Variants in OVOL1 observed in about 807,000 individuals in gnomAD.
OVOL1 encodes the protein ovo like transcriptional repressor 1.
Under a neutral mutation model 21.5 loss-of-function variants are expected in OVOL1, and 10 were observed. That is an observed-to-expected ratio of 0.46 (90% CI 0.29 to 0.79). The LOEUF (loss-of-function observed/expected upper bound fraction) is 0.79, where lower values mean the gene tolerates loss of function less well. OVOL1 is among the 30% of genes least tolerant of loss of function. OVOL1 has a pLI of 0.10. For missense variants in OVOL1, 279 were observed against 362.3 expected, an observed-to-expected ratio of 0.77 and a Z score of 1.87; for synonymous variants, 129 against 150.3, an observed-to-expected ratio of 0.86 and a Z score of 1.03.
At chr11:65,792,424 A>C (rs1324013799) in intron 1 of OVOL1, 1 of 152,278 alleles carries the variant, frequency 6.6e-6, no homozygotes, top group East Asian at 1.9e-4. Flanking sequence ...CCAGCTTTGA[A>C]TTCTCAGCCA....
rs752377455 is a variant in OVOL1, at chr11:65,794,041, C to A, written c.111C>A (p.Gly37=). 6.2e-7 allele frequency: 1 copy of A among 1,613,832 alleles called. No individual in the cohort carries two copies. The highest frequency in any genetic ancestry group is 8.5e-7 in the Non-Finnish European group (1 of 1,179,878). ...RGEIYVPVSL[G]FCPPQPYREP... ...CTGTTCTCTCCCCAGTCAGCCTGGG[C>A]TTCTGCCCACCACAGCCCTACCGGG... The change falls in exon 2 of 4, where the codon GGC becomes GGA. Residue 37 remains glycine (G), a synonymous_variant. Coordinates refer to ENST00000335987, the MANE Select transcript of OVOL1 (RefSeq NM_004561.4).
At chr11:65,793,476 G>C (rs1446254196) in intron 1 of OVOL1, among the ~76,000 whole-genome samples, 2 of 152,226 alleles carry the variant, frequency 1.3e-5, no homozygotes, top group Admixed American at 6.5e-5. Context: ...GACCAGCTGG[G>C]AGTGGAGAGC....
chr11:65,790,063 C>T (rs1857983746), intron 1 of OVOL1: 1 of 149,932 alleles, frequency 6.7e-6, no homozygotes, highest in South Asian at 2.1e-4. Flanking sequence ...AACCACCCTC[C>T]CCTCGCCTTC....
At chr11:65,793,231 G>A (rs569903446) in intron 1 of OVOL1, among the ~76,000 whole-genome samples, 36 of 152,270 alleles carry the variant, frequency 2.4e-4, no homozygotes, top group Middle Eastern at 3.4e-3. Flanking sequence ...AAGCCTCCCC[G>A]GCCCGTTCGG....
chr11:65,793,279 GGCTGCCAGGTATCGGT>G (rs1858059668), intron 1 of OVOL1, among the ~76,000 whole-genome samples: 1 of 152,192 alleles, frequency 6.6e-6, no homozygotes, highest in Non-Finnish European at 1.5e-5. Flanking sequence ...TGCATCCAAG[GGCTGCCAGGTATCGGT>G]GCTGCCGCTG....
In OVOL1 at chr11:65,794,646, G is replaced by A. The variant is rs577150616; in HGVS notation, c.427G>A (p.Val143Ile). 9.3e-6 allele frequency: 15 copies of A among 1,613,784 alleles called. No homozygotes were observed. The highest frequency in any genetic ancestry group is 8.3e-5 in the Admixed American group (5 of 60,022). The change falls in exon 3 of 4, where the codon GTC becomes ATC. Residue 143 changes from valine to isoleucine, a missense_variant. Coordinates refer to ENST00000335987, the MANE Select transcript of OVOL1 (RefSeq NM_004561.4). ...LNRHMKCHNDVKRHLCTYCGK... is the reference protein window; with the variant it reads ...LNRHMKCHNDIKRHLCTYCGK... Reference sequence around the variant, plus strand: ...CCGCCACATGAAGTGTCACAACGACGTCAAGAGGCACCTCTGCACGTACTG... The same window carrying A: ...CCGCCACATGAAGTGTCACAACGACATCAAGAGGCACCTCTGCACGTACTG...
chr11:65,788,500 A>G, intron 1 of OVOL1: 1 of 984,806 alleles, frequency 1.0e-6, no homozygotes, highest in Non-Finnish European at 1.2e-6. Flanking sequence ...TAATTAACCA[A>G]CTGACTTTGA....
rs1431090294 is a variant in OVOL1 at position 65,791,152 on chromosome 11, C to T, written c.101-2879C>T. ...ATACACTGTCTGAGGCGACCTGTGGCAGTTCACAGCGTGGAAACAGAAGGC... is the reference window on the plus strand; with the variant it reads ...ATACACTGTCTGAGGCGACCTGTGGTAGTTCACAGCGTGGAAACAGAAGGC... On this transcript the variant is annotated intron_variant, in intron 1 of 3. Transcript: ENST00000335987. 3.3e-5 allele frequency among the ~76,000 whole-genome samples: 5 copies of T among 152,366 alleles called. No individual in the cohort carries two copies. The East Asian group carries it at 5.8e-4, about 18-fold the overall frequency.
intron 1 of OVOL1, chr11:65,793,679 T>G: frequency 2.9e-6 from 1 of 349,730 alleles, no homozygotes; most frequent in Non-Finnish European, 5.3e-6. Flanking sequence ...CTGGTGCCCT[T>G]TGTCCCTGCA....
At position 65,787,370 on chromosome 11, in the gene OVOL1, G is replaced by T; in HGVS notation, c.-4G>T. The T allele has an allele frequency of 6.3e-7, 1 of 1,579,410 alleles. No individual in the cohort carries two copies. Among genetic ancestry groups the T allele is most frequent in the Non-Finnish European group, 8.6e-7 (1 of 1,163,336 alleles). On this transcript the variant is annotated 5_prime_UTR_variant, in exon 1 of 4. Transcript: ENST00000335987. ...GGCCCGTGTCCAGCGACGAGGGTTCGAAAATGCCCCGCGCGTTCCTGGTGA... is the reference window on the plus strand; with the variant it reads ...GGCCCGTGTCCAGCGACGAGGGTTCTAAAATGCCCCGCGCGTTCCTGGTGA...
chr11:65,791,567 G>A (rs992334330), intron 1 of OVOL1, among the ~76,000 whole-genome samples: 11 of 152,230 alleles, frequency 7.2e-5, no homozygotes, highest in Admixed American at 7.2e-4. Flanking sequence ...TTCCATCCAA[G>A]AGATGGAGGA....
intron 1 of OVOL1, chr11:65,789,689 T>A: frequency 1.0e-6 from 1 of 985,448 alleles, no homozygotes; most frequent in Non-Finnish European, 1.2e-6. Flanking sequence ...CCTCACAGAT[T>A]CCTGGTAAGT....
Position 65,787,381 on chromosome 11 carries a change from G to A in OVOL1, c.8G>A (p.Arg3His). 6.3e-7 allele frequency: 1 copy of A among 1,586,832 alleles called. No individual in the cohort carries two copies. The highest frequency in any genetic ancestry group is 8.6e-7 in the Non-Finnish European group (1 of 1,167,116). ...AGCGACGAGGGTTCGAAAATGCCCCGCGCGTTCCTGGTGAAGAAGCCGTGC... is the reference window on the plus strand; with the variant it reads ...AGCGACGAGGGTTCGAAAATGCCCCACGCGTTCCTGGTGAAGAAGCCGTGC... MPRAFLVKKPCVS... is the reference protein window; with the variant it reads MPHAFLVKKPCVS... The change falls in exon 1 of 4, where the codon CGC (arginine) becomes CAC (histidine). Residue 3 changes from arginine to histidine, a missense_variant. Coordinates refer to ENST00000335987, the MANE Select transcript of OVOL1 (RefSeq NM_004561.4).
intron 3 of OVOL1, 31 bp downstream of exon 3, chr11:65,794,758 C>A (rs777175091): frequency 5.0e-6 from 8 of 1,594,788 alleles, no homozygotes; most frequent in Non-Finnish European, 5.2e-6. Context: ...GGGAGGAGCA[C>A]GCCGGATCCG....
At position 65,795,418 on chromosome 11, in the gene OVOL1, C is replaced by G. The variant is rs1047966529; in HGVS notation, c.*77C>G. 3 of 1,353,226 alleles carry G rather than the reference C, an allele frequency of 2.2e-6. No individual in the cohort carries two copies. In the African/African-American group the frequency reaches 4.3e-5, roughly 19 times the overall value. The allele number at this position is 1,353,226 out of a possible 1,614,324, so 83.8% of individuals were successfully genotyped here. On this transcript the variant is annotated 3_prime_UTR_variant, in exon 4 of 4. Coordinates refer to ENST00000335987, the MANE Select transcript of OVOL1 (RefSeq NM_004561.4). This position sits in a 1 kb window ranked among gnomAD's most constrained non-coding sequence, Gnocchi z 5.7. ...GCCTCCCAGCTGCCTGGCCAGCCCA[C>G]CCTCCTGCAACCTCTCACCCGAACA...
In OVOL1 at chr11:65,788,056, C is replaced by T. The variant is rs185044670; in HGVS notation, c.100+583C>T. On this transcript the variant is annotated intron_variant, in intron 1 of 3. Transcript: ENST00000335987. ...TTTTCGTTGGGCTCCGGCTGCTAGT[C>T]CCGCGCAGTGAGCCGAGACGGTGGG... Among the ~76,000 whole-genome samples the T allele has an allele frequency of 2.2e-3, 342 of 152,296 alleles. 1 individual carries two copies. The highest frequency in any genetic ancestry group is 7.8e-3 in the African/African-American group (323 of 41,576).
At chr11:65,787,674 G>T (rs1165637896) in intron 1 of OVOL1, among the ~76,000 whole-genome samples, 1 of 151,554 alleles carries the variant, frequency 6.6e-6, no homozygotes, top group African/African-American at 2.4e-5. Context: ...GCGGAAGAGC[G>T]CTGGTCGGGG....
Position 65,791,282 on chromosome 11 carries a change from G to A in OVOL1, c.101-2749G>A, listed in dbSNP as rs1195598855. On this transcript the variant is annotated intron_variant, in intron 1 of 3. Transcript: ENST00000335987. ...TATGGGGACCAGAGGAGATGGGCAC[G>A]GGGGGCACCAGCCCTTCCTGATAAG... Among the ~76,000 whole-genome samples the A allele has an allele frequency of 7.2e-5, 11 of 152,170 alleles. No individual in the cohort carries two copies. In the East Asian group the frequency reaches 1.3e-3, roughly 19 times the overall value.
intron 1 of OVOL1, among the ~76,000 whole-genome samples, chr11:65,792,674 C>G (rs965609598): frequency 2.0e-5 from 3 of 152,234 alleles, no homozygotes; most frequent in Non-Finnish European, 4.4e-5. Flanking sequence ...TAAAGGCCCC[C>G]GGACAGACGG....
Sources: gnomAD v4.1 joint callset for allele counts (sites outside exome capture counted in the v4.1 genomes callset) on GRCh38, gnomAD v4.1.1 for gene constraint, Gnocchi (gnomAD v3.1) non-coding constraint, MANE v1.5 for transcripts, NCBI Gene and HGNC (gene_info 2026-07-23, HGNC 2026-07-21) for gene names.